PCDHA3: variants seen among roughly 807,000 people sequenced by gnomAD.
PCDHA3 encodes protocadherin alpha-3.
In PCDHA3, 41 loss-of-function variants were observed where a neutral mutation model predicts 62.2. The ratio of observed to expected loss-of-function variants is 0.66; its 90% CI spans 0.51 to 0.86. PCDHA3 has a LOEUF of 0.86. PCDHA3 is among the 40% of genes least tolerant of loss of function. The probability of loss-of-function intolerance (pLI) is 0.00; values close to 1 mark genes in which losing one functional copy is unlikely to be tolerated. For missense variants in PCDHA3, 1,304 were observed against 1,241.2 expected (o/e 1.05, Z -0.76); for synonymous variants, 640 against 555.4 (o/e 1.15, Z -2.14).
In PCDHA3 at chr5:140,884,360, G is replaced by A. The variant is rs782401694; in HGVS notation, c.2394+80769G>A. On this transcript the variant is annotated intron_variant, in intron 1 of 3. Coordinates refer to ENST00000522353, the MANE Select transcript of PCDHA3 (RefSeq NM_018906.3). ...AGAAGCGGCGCTGGTGGATGTCAAT[G>A]TTTACTTGATCATTGCCATCTGCGC... The A allele has an allele frequency of 3.1e-6, 5 of 1,613,852 alleles. No individual in the cohort carries two copies. The African/African-American group carries it at 4.0e-5, about 13-fold the overall frequency.
chr5:140,883,693 C>T (rs2059756382), intron 1 of PCDHA3: 2 of 1,613,790 alleles, frequency 1.2e-6, no homozygotes, highest in Non-Finnish European at 1.7e-6. Flanking sequence ...GCCACATCTT[C>T]ACGGTGTCTG....
Position 140,803,302 on chromosome 5 carries a change from T to C in PCDHA3, c.2105T>C (p.Val702Ala). 1 of 1,614,112 alleles carries C rather than the reference T, an allele frequency of 6.2e-7. No individual in the cohort carries two copies. Among genetic ancestry groups the C allele is most frequent in the Non-Finnish European group, 8.5e-7 (1 of 1,179,984 alleles). The change falls in exon 1 of 4, where the codon GTC becomes GCC. Residue 702 changes from valine (V) to alanine (A), a missense_variant. Transcript: ENST00000522353. ...GTGGATGTCAACGTGTACTTGATCG[T>C]CGCCATCTGCGCGGTGTCCAGTCTG... The part of the protein sequence containing the change: ...ALVDVNVYLI[V>A]AICAVSSLLV...
In PCDHA3 at chr5:140,923,298, C is replaced by T. The variant is rs1039610789; in HGVS notation, c.2395-55651C>T. ...TACAAAAAATTAAAAATTAGCTGGG[C>T]GTGGGGGCGCTTGGCCTAGAAGTTC... On this transcript the variant is annotated intron_variant, in intron 1 of 3. Transcript: ENST00000522353. Among the ~76,000 whole-genome samples, 28 of 152,160 alleles carry T rather than the reference C, an allele frequency of 1.8e-4. 1 individual carries two copies. The highest frequency in any genetic ancestry group is 4.8e-4 in the African/African-American group (20 of 41,504).
chr5:140,809,469 G>T (rs1655310932), intron 1 of PCDHA3: 1 of 1,614,250 alleles, frequency 6.2e-7, no homozygotes, highest in South Asian at 1.1e-5. Flanking sequence ...GTGTGCTCTG[G>T]TGAGGGCCCA....
At chr5:140,833,975 T>C (rs1554134022) in intron 1 of PCDHA3, among the ~76,000 whole-genome samples, 1 of 152,086 alleles carries the variant, frequency 6.6e-6, no homozygotes, top group East Asian at 1.9e-4. Flanking sequence ...GAAAAAAAAG[T>C]TTTTCTAAGG....
chr5:141,002,336 C>A (rs1236741058), intron 3 of PCDHA3, among the ~76,000 whole-genome samples: 3 of 152,084 alleles, frequency 2.0e-5, no homozygotes, highest in Non-Finnish European at 2.9e-5. Flanking sequence ...TGCATCCGCA[C>A]CCCTTCCCCC....
At chr5:140,982,679 C>A in intron 3 of PCDHA3, 116 bp downstream of exon 3, 2 of 1,436,546 alleles carry the variant, frequency 1.4e-6, no homozygotes, top group Non-Finnish European at 9.2e-7. Flanking sequence ...TTGTTATTCC[C>A]TTTTTTCCAT....
At chr5:140,920,501 A>G (rs1404369467) in intron 1 of PCDHA3, among the ~76,000 whole-genome samples, 1 of 152,194 alleles carries the variant, frequency 6.6e-6, no homozygotes, top group Non-Finnish European at 1.5e-5. Context: ...AGAGTTCTAC[A>G]TACTGTTTTA....
chr5:141,002,273 AC>A (rs748746747), intron 3 of PCDHA3, among the ~76,000 whole-genome samples: 69 of 152,308 alleles, frequency 4.5e-4, no homozygotes, highest in Non-Finnish European at 9.1e-4. Flanking sequence ...AGAGCTGGTA[AC>A]AAAGGGATGA....
chr5:140,941,960 A>G (rs569784391), intron 1 of PCDHA3, among the ~76,000 whole-genome samples: 6 of 152,354 alleles, frequency 3.9e-5, no homozygotes, highest in African/African-American at 1.4e-4. Flanking sequence ...AAACAATAGT[A>G]TCTTTACTTT....
chr5:140,807,616 G>A (rs113425597), intron 1 of PCDHA3: 1 of 1,614,130 alleles, frequency 6.2e-7, no homozygotes, highest in Admixed American at 1.7e-5. Flanking sequence ...TGTCCATCGC[G>A]GAATCCAGGC....
At chr5:140,868,894 G>T in intron 1 of PCDHA3, 6 of 771,428 alleles carry the variant, frequency 7.8e-6, no homozygotes, top group Non-Finnish European at 1.2e-5. Flanking sequence ...TTAGGCGCAA[G>T]GTGTCGCTCT....
rs1299699078 is a variant in PCDHA3 at position 140,843,118 on chromosome 5, C to G, written c.2394+39527C>G. 1.7e-5 allele frequency: 27 copies of G among 1,595,720 alleles called. 3 individuals carry two copies. Among genetic ancestry groups the G allele is most frequent in the African/African-American group, 4.0e-5 (3 of 74,428 alleles). The stretch of plus-strand genomic sequence containing the variant: ...TAGCGAAGGTGCGCGCAGTGGACGC[C>G]GACTCGGGCTACAACGCGTGGCTTT... On this transcript the variant is annotated intron_variant, in intron 1 of 3. Transcript: ENST00000522353.
intron 1 of PCDHA3, among the ~76,000 whole-genome samples, chr5:140,915,075 A>G (rs111889109): frequency 6.6e-6 from 1 of 151,436 alleles, no homozygotes; most frequent in South Asian, 2.1e-4. Context: ...CCTACTGAGT[A>G]GCTGGGACTA....
intron 1 of PCDHA3, chr5:140,824,318 C>T (rs147635859): frequency 2.7e-6 from 2 of 727,886 alleles, no homozygotes; most frequent in Admixed American, 5.5e-5. Context: ...GATTCATCAG[C>T]TTTCTGTGAT....
At position 140,802,517 on chromosome 5, in the gene PCDHA3, C is replaced by G; in HGVS notation, c.1320C>G (p.Ser440Arg). ...CGCCTTCACTGTGGGCCACGGCCAG[C>G]GTGTCCGTGGAGGTGGCCGACGTGA... ...GGSPSLWATA[S>R]VSVEVADVND... The change falls in exon 1 of 4, where the codon AGC becomes AGG. Residue 440 changes from serine (S) to arginine (R), a missense_variant. Transcript: ENST00000522353. The G allele has an allele frequency of 1.2e-6, 2 of 1,614,132 alleles. No individual in the cohort carries two copies. The highest frequency in any genetic ancestry group is 1.3e-5 in the African/African-American group (1 of 75,050).
intron 1 of PCDHA3, chr5:140,862,144 C>G (rs2047225935): frequency 1.2e-5 from 2 of 162,888 alleles, no homozygotes; most frequent in South Asian, 1.7e-4. Context: ...TTTGAGGAAA[C>G]TAAATAATGA....
chr5:140,829,166 G>C lies in PCDHA3; in HGVS notation c.2394+25575G>C, dbSNP rs2150163292. 5 of 1,614,104 alleles carry C rather than the reference G, an allele frequency of 3.1e-6. No homozygotes were observed. The South Asian group carries it at 5.5e-5, about 18-fold the overall frequency. ...AGCACTGACTTCCTTATCCTTGCCT[G>C]TACGTGAAGACGCTCAATTTGGTAC... On this transcript the variant is annotated intron_variant, in intron 1 of 3. Coordinates refer to ENST00000522353, the MANE Select transcript of PCDHA3 (RefSeq NM_018906.3).
intron 1 of PCDHA3, chr5:140,822,267 T>G (rs1554128545): frequency 1.9e-6 from 3 of 1,614,132 alleles, no homozygotes; most frequent in African/African-American, 1.3e-5. Flanking sequence ...TTGGAGCAAA[T>G]GCACAATTGA....
Sources: allele counts gnomAD v4.1 joint callset (sites outside exome capture counted in the v4.1 genomes callset), GRCh38; gene constraint gnomAD v4.1.1; transcripts MANE v1.5; gene names NCBI Gene and HGNC (gene_info 2026-07-23, HGNC 2026-07-21).